Variants in TMEM178B observed in about 807,000 individuals in gnomAD.
The protein encoded by TMEM178B is transmembrane protein 178B.
Under a neutral mutation model 31.0 loss-of-function variants are expected in TMEM178B, and 5 were observed. The observed-to-expected ratio is 0.16, with a 90% CI of 0.08 to 0.34. The LOEUF (loss-of-function observed/expected upper bound fraction) is 0.34. TMEM178B is among the 10% of genes least tolerant of loss of function. The pLI is 1.00. For missense variants in TMEM178B, 275 were observed against 400.3 expected (o/e 0.69, Z 2.67); for synonymous variants, 164 against 164.0 (o/e 1.00, Z 0.00).
At chr7:141,080,592 C>T (rs1387373742) in intron 1 of TMEM178B, among the ~76,000 whole-genome samples, 3 of 152,154 alleles carry the variant, frequency 2.0e-5, no homozygotes, top group African/African-American at 4.8e-5. Flanking sequence ...TGCACCCCAG[C>T]CTGGGTGATA....
At chr7:141,378,069 G>T (rs1800251079) in intron 2 of TMEM178B, among the ~76,000 whole-genome samples, 1 of 152,126 alleles carries the variant, frequency 6.6e-6, no homozygotes, top group Non-Finnish European at 1.5e-5. Flanking sequence ...CCTCTGGTTG[G>T]TGCCAGTTTT....
intron 1 of TMEM178B, among the ~76,000 whole-genome samples, chr7:141,133,602 CA>C (rs1795629424): frequency 6.6e-6 from 1 of 152,024 alleles, no homozygotes; most frequent in African/African-American, 2.4e-5. Flanking sequence ...TGTCATAAAG[CA>C]ACCAAATATT....
intron 1 of TMEM178B, among the ~76,000 whole-genome samples, chr7:141,185,966 G>A (rs536323815): frequency 6.6e-6 from 1 of 152,196 alleles, no homozygotes; most frequent in South Asian, 2.1e-4. Context: ...GTGGACTTTG[G>A]TCCTTGATCG....
chr7:141,317,453 A>C (rs1799024614), intron 2 of TMEM178B, among the ~76,000 whole-genome samples: 1 of 152,194 alleles, frequency 6.6e-6, no homozygotes, highest in Non-Finnish European at 1.5e-5. Flanking sequence ...GCAAGCAAGA[A>C]GGTCAGGCTG....
intron 2 of TMEM178B, among the ~76,000 whole-genome samples, chr7:141,386,816 A>G (rs1586926996): frequency 6.6e-6 from 1 of 152,194 alleles, no homozygotes; most frequent in East Asian, 1.9e-4. Flanking sequence ...ATGAAATTGA[A>G]TAAGAGAAAA....
intron 2 of TMEM178B, among the ~76,000 whole-genome samples, chr7:141,382,358 G>A (rs753521762): frequency 3.7e-4 from 56 of 152,308 alleles, no homozygotes; most frequent in Non-Finnish European, 7.5e-4. Context: ...GACAAAGCCT[G>A]CCCTCTCCTA....
rs1278994774 is a variant in TMEM178B, at chr7:141,461,500, T to C, written c.635-9036T>C. The stretch of plus-strand genomic sequence containing the variant: ...TTTGGGCAAATGCCTGTGCACACAA[T>C]GTGTAACTGCCCTGAATCTCTGTGA... On this transcript the variant is annotated intron_variant, in intron 3 of 3. Coordinates refer to ENST00000565468, the MANE Select transcript of TMEM178B (RefSeq NM_001195278.2). This position sits in a 1 kb window ranked among gnomAD's most constrained non-coding sequence, Gnocchi z 4.0. Among the ~76,000 whole-genome samples the C allele has an allele frequency of 6.6e-6, 1 of 152,256 alleles. No individual in the cohort carries two copies. Among genetic ancestry groups the C allele is most frequent in the Non-Finnish European group, 1.5e-5 (1 of 68,052 alleles).
At chr7:141,449,723 G>T (rs564970707) in intron 3 of TMEM178B, among the ~76,000 whole-genome samples, 1 of 152,162 alleles carries the variant, frequency 6.6e-6, no homozygotes, top group African/African-American at 2.4e-5. Context: ...GCAAGGACTC[G>T]GCAGCAGCCC....
At chr7:141,175,100 A>C (rs943912859) in intron 1 of TMEM178B, among the ~76,000 whole-genome samples, 2 of 152,176 alleles carry the variant, frequency 1.3e-5, no homozygotes, top group African/African-American at 4.8e-5. Context: ...TTTAGGTCTA[A>C]CATTTAAGTC....
In TMEM178B at chr7:141,110,911, C is replaced by T. The variant is rs748123583; in HGVS notation, c.382+36219C>T. On this transcript the variant is annotated intron_variant, in intron 1 of 3. Transcript: ENST00000565468. ...ACTGAGAAAAGGTCATGTGAACACA[C>T]GGTGAGAAGGAAGCCAGCTACAAGC... Among the ~76,000 whole-genome samples, 70 of 152,188 alleles carry T rather than the reference C, an allele frequency of 4.6e-4. 1 individual carries two copies. Among genetic ancestry groups the T allele is most frequent in the South Asian group, 8.3e-4 (4 of 4,812 alleles).
chr7:141,284,869 A>G (rs1214407346), intron 2 of TMEM178B, among the ~76,000 whole-genome samples: 2 of 152,148 alleles, frequency 1.3e-5, no homozygotes, highest in African/African-American at 4.8e-5. Flanking sequence ...AAGGGGCTCC[A>G]TGACTTTATG....
rs1794570508 is a variant in TMEM178B, at chr7:141,074,790, C to T, written c.382+98C>T. The stretch of plus-strand genomic sequence containing the variant: ...CTTCCCAGGCCACAGGCTATCAGGT[C>T]TCTGGGTTCCAGGCGGTCCGGTTAT... On this transcript the variant is annotated intron_variant, in intron 1 of 3. Transcript: ENST00000565468. This position sits in a 1 kb window ranked among gnomAD's most constrained non-coding sequence, Gnocchi z 5.1. 8 of 1,417,900 alleles carry T rather than the reference C, an allele frequency of 5.6e-6. No homozygotes were observed. In the South Asian group the frequency reaches 1.1e-4, roughly 19 times the overall value. The allele number at this position is 1,417,900 out of a possible 1,614,324, so 87.8% of individuals were successfully genotyped here. A position where few individuals can be genotyped will look rare whatever the true frequency, so the allele number is the denominator to read the frequency against.
chr7:141,100,427 C>T (rs1227054755), intron 1 of TMEM178B, among the ~76,000 whole-genome samples: 2 of 152,094 alleles, frequency 1.3e-5, no homozygotes, highest in African/African-American at 4.8e-5. Flanking sequence ...ATGAGAGATG[C>T]TAGCATTTTC....
chr7:141,176,758 A>G (rs1796441080), intron 1 of TMEM178B, among the ~76,000 whole-genome samples: 1 of 152,186 alleles, frequency 6.6e-6, no homozygotes, highest in Non-Finnish European at 1.5e-5. Flanking sequence ...AGGTGCTTAC[A>G]GATTCTCCAG....
intron 3 of TMEM178B, among the ~76,000 whole-genome samples, chr7:141,443,992 C>T (rs1801708010): frequency 6.6e-6 from 1 of 152,294 alleles, no homozygotes; most frequent in East Asian, 1.9e-4. Context: ...ATACCCCCAT[C>T]AATGTGGGTT....
intron 2 of TMEM178B, among the ~76,000 whole-genome samples, chr7:141,221,061 C>T (rs955135631): frequency 2.6e-5 from 4 of 152,272 alleles, no homozygotes; most frequent in Middle Eastern, 3.4e-3. Context: ...GTCCCAACTT[C>T]CATACTTAAA....
chr7:141,507,385 T>C, the TMEM178B span, among the ~76,000 whole-genome samples: 1 of 152,210 alleles, frequency 6.6e-6, no homozygotes, highest in African/African-American at 2.4e-5. Flanking sequence ...CAACTCTTTT[T>C]TTTTTAGATG....
In TMEM178B at chr7:141,477,141, C is replaced by G. The variant is rs145890805; in HGVS notation, c.*6355C>G. ...TAGACCCTCTCCGTCTGTACCAGTG[C>G]GTCTGTGTTGTGAGCGTGACGAAGC... On this transcript the variant is annotated 3_prime_UTR_variant, in exon 4 of 4. Coordinates refer to ENST00000565468, the MANE Select transcript of TMEM178B (RefSeq NM_001195278.2). 2 of 154,814 alleles carry G rather than the reference C, an allele frequency of 1.3e-5. No individual in the cohort carries two copies. The highest frequency in any genetic ancestry group is 2.9e-5 in the Non-Finnish European group (2 of 68,248). The allele number at this position is 154,814 out of a possible 1,614,324, so 9.6% of individuals were successfully genotyped here.
At chr7:141,326,767 A>G (rs1347415402) in intron 2 of TMEM178B, among the ~76,000 whole-genome samples, 1 of 152,154 alleles carries the variant, frequency 6.6e-6, no homozygotes, top group African/African-American at 2.4e-5. Flanking sequence ...CTTTATAGAA[A>G]AGTTTGCTGA....
Sources: gnomAD v4.1 joint callset for allele counts (sites outside exome capture counted in the v4.1 genomes callset) on GRCh38, gnomAD v4.1.1 for gene constraint, Gnocchi (gnomAD v3.1) non-coding constraint, MANE v1.5 for transcripts, NCBI Gene and HGNC (gene_info 2026-07-23, HGNC 2026-07-21) for gene names.